SIPA1L1: variants seen among roughly 807,000 people sequenced by gnomAD.
SIPA1L1 encodes signal induced proliferation associated 1 like 1.
In SIPA1L1, 26 loss-of-function variants were observed where a neutral mutation model predicts 162.7. The ratio of observed to expected loss-of-function variants is 0.16; its 90% confidence interval spans 0.12 to 0.22. The LOEUF is 0.22. Ranked by LOEUF, SIPA1L1 falls within the 10% of genes least tolerant of loss-of-function variation. The pLI, the probability that SIPA1L1 is intolerant of heterozygous loss-of-function variation, is 1.00. For synonymous variants in SIPA1L1, 829 were observed against 837.4 expected (o/e 0.99, Z 0.17); for missense variants, 1,874 against 2,241.0 (o/e 0.84, Z 3.31).
chr14:71,353,615 G>A (rs910400947), intron 2 of SIPA1L1, among the ~76,000 whole-genome samples: 3 of 152,096 alleles, frequency 2.0e-5, no homozygotes, highest in Admixed American at 6.6e-5. Context: ...GCTGAAGTAG[G>A]GAGCCAGTTA....
Position 71,646,416 on chromosome 14 carries a change from G to T in SIPA1L1, c.1819-3919G>T, listed in dbSNP as rs113525896. ...TGCTCTCAATCTCCTGACCTCATGA[G>T]CCACCCGCCTCGGCCTCCCAAAGTG... On this transcript the variant is annotated intron_variant, in intron 7 of 23. Coordinates refer to ENST00000381232, the MANE Select transcript of SIPA1L1 (RefSeq NM_001386936.1). 4.7e-3 allele frequency among the ~76,000 whole-genome samples: 715 copies of T among 152,214 alleles called. 6 individuals carry two copies. The highest frequency in any genetic ancestry group is 0.016 in the African/African-American group (677 of 41,554).
intron 3 of SIPA1L1, among the ~76,000 whole-genome samples, chr14:71,519,575 A>G (rs1395111596): frequency 6.6e-6 from 1 of 152,068 alleles, no homozygotes; most frequent in Non-Finnish European, 1.5e-5. Flanking sequence ...TTGTAATCCC[A>G]GCTACTTGGG....
intron 2 of SIPA1L1, among the ~76,000 whole-genome samples, chr14:71,456,623 A>T (rs1213396097): frequency 6.6e-6 from 1 of 152,220 alleles, no homozygotes; most frequent in Non-Finnish European, 1.5e-5. Context: ...GTGTTGGCTT[A>T]TTATTACAGA....
chr14:71,550,606 G>C (rs565623967), intron 4 of SIPA1L1, among the ~76,000 whole-genome samples: 6 of 151,726 alleles, frequency 4.0e-5, no homozygotes, highest in Non-Finnish European at 8.8e-5. Flanking sequence ...GTTCTGGGCT[G>C]GTTTCTCTTC....
chr14:71,344,834 A>G (rs867791310), intron 2 of SIPA1L1, among the ~76,000 whole-genome samples: 1 of 152,280 alleles, frequency 6.6e-6, no homozygotes, highest in Middle Eastern at 3.4e-3. Flanking sequence ...CCAAACTGCT[A>G]GGAGGTGTCG....
intron 2 of SIPA1L1, among the ~76,000 whole-genome samples, chr14:71,378,281 G>C (rs2039595908): frequency 6.6e-6 from 1 of 151,326 alleles, no homozygotes; most frequent in African/African-American, 2.4e-5. Flanking sequence ...TCTTTTTCTT[G>C]TTTCTTAAGG....
At chr14:71,674,672 C>T (rs1248914174) in intron 12 of SIPA1L1, among the ~76,000 whole-genome samples, 1 of 150,336 alleles carries the variant, frequency 6.7e-6, no homozygotes, top group East Asian at 2.0e-4. Context: ...TCACGCCATT[C>T]TCCTGCCTCA....
intron 2 of SIPA1L1, among the ~76,000 whole-genome samples, chr14:71,427,175 C>G (rs963806171): frequency 1.3e-5 from 2 of 150,978 alleles, no homozygotes; most frequent in African/African-American, 4.9e-5. Flanking sequence ...TATTTTTACC[C>G]TGCAGGGACT....
chr14:71,679,523 G>C (rs935004102), intron 12 of SIPA1L1, among the ~76,000 whole-genome samples: 6 of 152,154 alleles, frequency 3.9e-5, no homozygotes, highest in African/African-American at 7.2e-5. Flanking sequence ...GAAATTGCAT[G>C]AACTAACAAG....
rs565072842 is a variant in SIPA1L1, at chr14:71,377,581, C to T, written c.-465+56400C>T. Among the ~76,000 whole-genome samples, 47 of 152,236 alleles carry T rather than the reference C, an allele frequency of 3.1e-4. No individual in the cohort carries two copies. Among genetic ancestry groups the T allele is most frequent in the Admixed American group, 1.8e-3 (28 of 15,302 alleles). ...CTCACTTCCTACACGGGGTGGCGGC[C>T]GGGCAGAGGCTGCAATCTCAGCACT... On this transcript the variant is annotated intron_variant, in intron 2 of 23. Coordinates refer to ENST00000381232, the MANE Select transcript of SIPA1L1 (RefSeq NM_001386936.1). This position sits in a 1 kb window ranked among gnomAD's most constrained non-coding sequence, Gnocchi z 4.8.
intron 5 of SIPA1L1, among the ~76,000 whole-genome samples, chr14:71,617,598 T>C (rs1394271016): frequency 1.3e-5 from 2 of 152,266 alleles, no homozygotes. Flanking sequence ...TATTTTCATA[T>C]GCATTACTTA....
intron 2 of SIPA1L1, among the ~76,000 whole-genome samples, chr14:71,396,516 C>T (rs2041216339): frequency 1.3e-5 from 2 of 152,106 alleles, no homozygotes; most frequent in Non-Finnish European, 2.9e-5. Context: ...TGTGTTTTTT[C>T]TCAGTTCAAG....
Position 71,587,978 on chromosome 14 carries a change from A to G in SIPA1L1, c.106A>G (p.Met36Val). ...TPKVHTDDFY[M>V]RRFRSQNGSL... Reference sequence around the variant, plus strand: ...CAAAGTCCACACTGATGATTTCTACATGCGGCGCTTCCGGTCCCAAAATGG... The same window carrying G: ...CAAAGTCCACACTGATGATTTCTACGTGCGGCGCTTCCGGTCCCAAAATGG... The change falls in exon 5 of 24, where the codon ATG becomes GTG. Residue 36 changes from methionine (M) to valine (V), a missense_variant. Transcript: ENST00000381232. 1 of 1,614,078 alleles carries G rather than the reference A, an allele frequency of 6.2e-7. No individual in the cohort carries two copies. The highest frequency in any genetic ancestry group is 8.5e-7 in the Non-Finnish European group (1 of 1,179,974).
chr14:71,642,535 G>A (rs771034395), intron 7 of SIPA1L1, among the ~76,000 whole-genome samples: 2 of 152,166 alleles, frequency 1.3e-5, no homozygotes, highest in African/African-American at 2.4e-5. Flanking sequence ...ACAACCAAGA[G>A]TTTAAAAGCA....
intron 4 of SIPA1L1, chr14:71,575,064 A>G (rs1382793691): frequency 6.6e-6 from 1 of 152,208 alleles, no homozygotes; most frequent in Non-Finnish European, 1.5e-5. Context: ...GAACCATGAT[A>G]TAAATAAAGG....
chr14:71,708,890 T>C (rs2149987942), intron 16 of SIPA1L1, among the ~76,000 whole-genome samples: 1 of 152,324 alleles, frequency 6.6e-6, no homozygotes, highest in African/African-American at 2.4e-5. Context: ...TTTGGAAATG[T>C]CATTTCCTTT....
At chr14:71,637,517 G>C (rs931171198) in intron 7 of SIPA1L1, among the ~76,000 whole-genome samples, 1 of 152,022 alleles carries the variant, frequency 6.6e-6, no homozygotes, top group Non-Finnish European at 1.5e-5. Flanking sequence ...ATCATTTGAG[G>C]CCAGAAGGTC....
intron 8 of SIPA1L1, among the ~76,000 whole-genome samples, chr14:71,654,169 ACC>A (rs2042867650): frequency 6.6e-6 from 1 of 152,026 alleles, no homozygotes; most frequent in African/African-American, 2.4e-5. Context: ...CTGTGCAAAG[ACC>A]ATCTACACAT....
Position 71,658,445 on chromosome 14 carries a change from T to C in SIPA1L1, c.2097+9T>C. 1 of 1,467,946 alleles carries C rather than the reference T, an allele frequency of 6.8e-7. No homozygotes were observed. Among genetic ancestry groups the C allele is most frequent in the Non-Finnish European group, 9.6e-7 (1 of 1,046,798 alleles). 90.9% of individuals were successfully genotyped at this position (1,467,946 alleles called of 1,614,324 possible). Reference sequence around the variant, plus strand: ...CCAACAACAAACAACAGGTAAGAGATCCTCCTGTTATCTGTGTTTTCACCC... The same window carrying C: ...CCAACAACAAACAACAGGTAAGAGACCCTCCTGTTATCTGTGTTTTCACCC... On this transcript the variant is annotated intron_variant, in intron 9 of 23. Transcript: ENST00000381232.
Sources: allele counts gnomAD v4.1 joint callset (sites outside exome capture counted in the v4.1 genomes callset), GRCh38; gene constraint gnomAD v4.1.1; non-coding constraint Gnocchi (gnomAD v3.1); transcripts MANE v1.5; gene names NCBI Gene and HGNC (gene_info 2026-07-23, HGNC 2026-07-21).